Variants in FBXL5 observed in about 807,000 individuals in gnomAD.
FBXL5 encodes F-box/LRR-repeat protein 5.
In FBXL5, 26 loss-of-function variants were observed where a neutral mutation model predicts 78.3. That is an observed-to-expected ratio of 0.33 (90% CI 0.24 to 0.46). The LOEUF (loss-of-function observed/expected upper bound fraction) is 0.46, where lower values mean the gene tolerates loss of function less well. Ranked by LOEUF, FBXL5 falls within the 20% of genes least tolerant of loss-of-function variation. The pLI is 1.00. For synonymous variants in FBXL5, 295 were observed against 282.5 expected (o/e 1.04, Z -0.45); for missense variants, 710 against 829.2 (o/e 0.86, Z 1.77).
At chr4:15,680,832 C>T (rs1718217544) in intron 1 of FBXL5, among the ~76,000 whole-genome samples, 1 of 150,934 alleles carries the variant, frequency 6.6e-6, no homozygotes, top group Admixed American at 6.6e-5. Flanking sequence ...TAACATGTTT[C>T]CCTGTTTAAG....
intron 1 of FBXL5, among the ~76,000 whole-genome samples, chr4:15,666,127 G>A (rs540363443): frequency 5.3e-5 from 8 of 152,174 alleles, no homozygotes; most frequent in East Asian, 1.9e-4. Flanking sequence ...GACTGGGCAC[G>A]GTGGTTCACA....
intron 9 of FBXL5, among the ~76,000 whole-genome samples, chr4:15,618,462 T>C (rs898917254): frequency 5.3e-5 from 8 of 152,306 alleles, no homozygotes; most frequent in Non-Finnish European, 1.0e-4. Context: ...CTGAATTGAC[T>C]TATAAGAAGA....
chr4:15,644,515 T>C lies in FBXL5; in HGVS notation c.278A>G (p.Glu93Gly). ...TACCTTAACATTCTTCAGTCCCTTT[T>C]CAAAGAGGCTAAGCATCTCGGAGAG... ...NKLSEMLSLF[E>G]KGLKNVKNEY... Residue 93 changes from glutamate (E) to glycine (G), a missense_variant, in exon 2 of 11, where the codon GAA becomes GGA. By Grantham distance (98) the Glu-to-Gly change is moderately conservative. Coordinates refer to ENST00000341285, the MANE Select transcript of FBXL5 (RefSeq NM_012161.4). 6.2e-7 allele frequency: 1 copy of C among 1,612,070 alleles called. No individual in the cohort carries two copies. The highest frequency in any genetic ancestry group is 8.5e-7 in the Non-Finnish European group (1 of 1,178,202).
intron 5 of FBXL5, among the ~76,000 whole-genome samples, chr4:15,634,556 AG>A (rs778661069): frequency 5.3e-5 from 8 of 151,810 alleles, no homozygotes; most frequent in Non-Finnish European, 1.0e-4. Flanking sequence ...TAGTAGAGAC[AG>A]GGTTTCACCA....
intron 5 of FBXL5, among the ~76,000 whole-genome samples, chr4:15,635,328 C>T (rs566685320): frequency 7.0e-6 from 1 of 143,430 alleles, no homozygotes; most frequent in Non-Finnish European, 1.5e-5. Context: ...AAAACCCCAT[C>T]TCAAAAAAAA....
At chr4:15,646,490 A>C (rs1044604530) in intron 1 of FBXL5, among the ~76,000 whole-genome samples, 1 of 151,630 alleles carries the variant, frequency 6.6e-6, no homozygotes, top group African/African-American at 2.4e-5. Flanking sequence ...ACTTAAAAAT[A>C]GCCTTAGTAG....
At chr4:15,616,219 G>A (rs570222964) in intron 9 of FBXL5, among the ~76,000 whole-genome samples, 27 of 152,338 alleles carry the variant, frequency 1.8e-4, no homozygotes, top group African/African-American at 4.6e-4. Context: ...AACACTCACC[G>A]CGAGGGTCCG....
intron 1 of FBXL5, among the ~76,000 whole-genome samples, chr4:15,680,380 A>C (rs1028950965): frequency 1.3e-5 from 2 of 152,196 alleles, no homozygotes; most frequent in Admixed American, 6.5e-5. Flanking sequence ...TTAAAAATCC[A>C]GTGGGAGAGG....
chr4:15,625,741 C>T lies in FBXL5; in HGVS notation c.1361G>A (p.Gly454Asp). ...TTCATTATCTATTTCTTCTCCAATG[C>T]CCTTGTTAGTTAAATCGTGCAAACA... ...YACLHDLTNK[G>D]IGEEIDNEHP... Residue 454 changes from glycine (G) to aspartate (D), a missense_variant, in exon 9 of 11, where the codon GGC (glycine) becomes GAC (aspartate). This residue lies in a region of FBXL5 where 517 missense variants were observed against 542.9 expected (regional missense o/e 0.95). Coordinates refer to ENST00000341285, the MANE Select transcript of FBXL5 (RefSeq NM_012161.4). The T allele has an allele frequency of 1.9e-6, 3 of 1,614,152 alleles. No individual in the cohort carries two copies. Among genetic ancestry groups the T allele is most frequent in the East Asian group, 2.2e-5 (1 of 44,884 alleles).
In FBXL5 at chr4:15,612,256, A is replaced by C. The variant is rs759678410; in HGVS notation, c.1999+10T>G. On this transcript the variant is annotated intron_variant, in intron 10 of 10. Transcript: ENST00000341285. ...TCCTTCAAAATTATCGCACTGTTAA[A>C]AGGCATTACCGTTAATGTTGTCACA... The C allele has an allele frequency of 3.9e-6, 6 of 1,555,734 alleles. No homozygotes were observed. Among genetic ancestry groups the C allele is most frequent in the Non-Finnish European group, 4.3e-6 (5 of 1,162,576 alleles).
At chr4:15,678,021 G>C (rs1447622835) in intron 1 of FBXL5, among the ~76,000 whole-genome samples, 1 of 152,104 alleles carries the variant, frequency 6.6e-6, no homozygotes, top group Non-Finnish European at 1.5e-5. Context: ...TCAGGGAATT[G>C]CTATTGGAAT....
At chr4:15,664,616 G>A (rs1245414255), upstream of FBXL5, among the ~76,000 whole-genome samples, 1 of 127,834 alleles carries the variant, frequency 7.8e-6, no homozygotes, top group African/African-American at 3.0e-5. Context: ...GGAGTGCAAT[G>A]GTACGATCTC....
intron 9 of FBXL5, among the ~76,000 whole-genome samples, chr4:15,617,970 TG>T (rs1299835422): frequency 6.6e-6 from 1 of 151,888 alleles, no homozygotes; most frequent in Non-Finnish European, 1.5e-5. Context: ...ACTTAAAAGT[TG>T]GAAGTTAAAA....
upstream of FBXL5, among the ~76,000 whole-genome samples, chr4:15,656,794 T>C (rs750969342): frequency 8.5e-5 from 13 of 152,102 alleles, no homozygotes; most frequent in Non-Finnish European, 1.2e-4. Flanking sequence ...GAAGCACTTA[T>C]AACAGTACCG....
chr4:15,669,769 T>C (rs888253214), intron 1 of FBXL5, among the ~76,000 whole-genome samples: 3 of 152,178 alleles, frequency 2.0e-5, no homozygotes, highest in South Asian at 2.1e-4. Context: ...GCAATTACTA[T>C]TTGGCAAACA....
At chr4:15,656,132 G>A, upstream of FBXL5, 2 of 455,326 alleles carry the variant, frequency 4.4e-6, no homozygotes, top group South Asian at 1.5e-5. Context: ...TGGGGGTGGG[G>A]AGAAGGGTGA....
chr4:15,662,375 CACTT>C (rs1365962778), upstream of FBXL5, among the ~76,000 whole-genome samples: 1 of 151,960 alleles, frequency 6.6e-6, no homozygotes, highest in African/African-American at 2.4e-5. Context: ...TCTAGGTCCT[CACTT>C]AATAAACTAT....
At chr4:15,615,798 C>T (rs1002582465) in intron 9 of FBXL5, among the ~76,000 whole-genome samples, 2 of 151,980 alleles carry the variant, frequency 1.3e-5, no homozygotes, top group African/African-American at 2.4e-5. Context: ...CCACTTGGCT[C>T]TACCAATCAG....
chr4:15,626,747 C>T, intron 8 of FBXL5, 126 bp downstream of exon 8: 1 of 705,190 alleles, frequency 1.4e-6, no homozygotes, highest in Non-Finnish European at 2.4e-6. Context: ...AGGGTGCTAT[C>T]AAATTATACT....
Sources: allele counts gnomAD v4.1 joint callset (sites outside exome capture counted in the v4.1 genomes callset), GRCh38; gene constraint gnomAD v4.1.1; regional missense constraint gnomAD v4.1.1; transcripts MANE v1.5; gene names NCBI Gene and HGNC (gene_info 2026-07-23, HGNC 2026-07-21).